The following MAPK10 variants were observed in gnomAD, a reference collection of about 807,000 sequenced individuals.
The protein encoded by MAPK10 is JNK3 alpha protein kinase.
A neutral mutation model predicts 59.3 loss-of-function variants in MAPK10; 25 were observed. The ratio of observed to expected loss-of-function variants is 0.42; its 90% CI spans 0.31 to 0.59. MAPK10 has a LOEUF of 0.59. MAPK10 is among the 20% of genes least tolerant of loss of function. The probability of loss-of-function intolerance (pLI) is 0.15; values close to 1 mark genes in which losing one functional copy is unlikely to be tolerated. For missense variants in MAPK10, 351 were observed against 568.9 expected (o/e 0.62, Z 3.90); for synonymous variants, 190 against 200.5 (o/e 0.95, Z 0.44).
intron 2 of MAPK10, among the ~76,000 whole-genome samples, chr4:86,323,540 A>T (rs1356294989): frequency 6.6e-6 from 1 of 152,222 alleles, no homozygotes; most frequent in African/African-American, 2.4e-5. Context: ...GTTTAAACCG[A>T]GTCTATCAGA....
intron 2 of MAPK10, among the ~76,000 whole-genome samples, chr4:86,271,254 T>A (rs979188587): frequency 6.6e-6 from 1 of 152,022 alleles, no homozygotes; most frequent in Non-Finnish European, 1.5e-5. Context: ...TTAATTTGCA[T>A]TTCTCTGATG....
chr4:86,060,350 C>T (rs1269853157), intron 11 of MAPK10, among the ~76,000 whole-genome samples: 2 of 152,070 alleles, frequency 1.3e-5, no homozygotes, highest in East Asian at 1.9e-4. Flanking sequence ...TTTGTAAGGC[C>T]GTTGCACTCA....
intron 1 of MAPK10, among the ~76,000 whole-genome samples, chr4:86,375,713 T>TAAAAAAAAAA (rs56189009): frequency 2.1e-4 from 7 of 33,330 alleles, no homozygotes; most frequent in African/African-American, 2.6e-4. Flanking sequence ...AGGTCCACTC[T>TAAAAAAAAAA]AAAAAAAAAA....
intron 4 of MAPK10, among the ~76,000 whole-genome samples, chr4:86,140,274 G>T (rs2063328202): frequency 7.5e-6 from 1 of 133,440 alleles, no homozygotes; most frequent in African/African-American, 3.2e-5. Flanking sequence ...CAAAGACTTG[G>T]AACCAACCCA....
At chr4:86,021,381 G>T (rs534237943) in intron 13 of MAPK10, among the ~76,000 whole-genome samples, 3 of 151,892 alleles carry the variant, frequency 2.0e-5, no homozygotes, top group Non-Finnish European at 2.9e-5. Flanking sequence ...TAGACATAAA[G>T]GTTCTCCAAG....
In MAPK10 at chr4:86,572,653, T is replaced by C. The variant is rs113915056; in HGVS notation, c.-263+21257A>G. On this transcript the variant is annotated intron_variant, in intron 1 of 4. Transcript: ENST00000502302. Reference sequence around the variant, plus strand: ...TAACAGTGGAATATTAAGCCGAATATGGGACTCTTTTGAGCATGAGGCCCT... The same window carrying C: ...TAACAGTGGAATATTAAGCCGAATACGGGACTCTTTTGAGCATGAGGCCCT... Among the ~76,000 whole-genome samples the C allele has an allele frequency of 2.6e-5, 4 of 152,312 alleles. No homozygotes were observed. The East Asian group carries it at 7.7e-4, about 29-fold the overall frequency.
At chr4:86,050,317 CTA>C (rs1027761044) in intron 11 of MAPK10, among the ~76,000 whole-genome samples, 1 of 152,120 alleles carries the variant, frequency 6.6e-6, no homozygotes, top group Non-Finnish European at 1.5e-5. Context: ...ATAACAGAAA[CTA>C]TGTCTTTTTA....
At chr4:86,057,822 T>C (rs1158732974) in intron 11 of MAPK10, among the ~76,000 whole-genome samples, 1 of 149,362 alleles carries the variant, frequency 6.7e-6, no homozygotes, top group African/African-American at 2.5e-5. Context: ...AAGAGGTGAG[T>C]GAGAGGAAAG....
chr4:86,324,887 A>T (rs569010915), intron 2 of MAPK10, among the ~76,000 whole-genome samples: 1 of 152,058 alleles, frequency 6.6e-6, no homozygotes, highest in East Asian at 1.9e-4. Context: ...AGACTATAAA[A>T]CTCGCTCTTC....
intron 13 of MAPK10, chr4:86,024,620 G>C (rs1422531065): frequency 6.6e-6 from 1 of 152,098 alleles, no homozygotes; most frequent in Non-Finnish European, 1.5e-5. Flanking sequence ...GTAAGTATTC[G>C]AGTTAACAAA....
chr4:86,444,498 C>T (rs1283880491), intron 1 of MAPK10, among the ~76,000 whole-genome samples: 1 of 152,074 alleles, frequency 6.6e-6, no homozygotes, highest in Non-Finnish European at 1.5e-5. Flanking sequence ...TCATTCAGGA[C>T]ATAAGCAAGG....
intron 1 of MAPK10, among the ~76,000 whole-genome samples, chr4:86,477,330 G>A (rs1394464644): frequency 6.6e-6 from 1 of 152,018 alleles, no homozygotes; most frequent in East Asian, 1.9e-4. Context: ...ATCCCCACCT[G>A]CCCAGTTCCC....
chr4:86,171,592 A>T (rs1342584770), intron 3 of MAPK10, among the ~76,000 whole-genome samples: 2 of 152,240 alleles, frequency 1.3e-5, no homozygotes, highest in African/African-American at 2.4e-5. Context: ...TGGATTAAAG[A>T]CTTAAATGTT....
At chr4:86,159,840 A>T (rs2068974665) in intron 3 of MAPK10, among the ~76,000 whole-genome samples, 1 of 152,012 alleles carries the variant, frequency 6.6e-6, no homozygotes, top group African/African-American at 2.4e-5. Flanking sequence ...ATTCAAGTAA[A>T]TAAGACAAAG....
intron 1 of MAPK10, among the ~76,000 whole-genome samples, chr4:86,376,267 A>G (rs1250950027): frequency 6.6e-6 from 1 of 152,222 alleles, no homozygotes; most frequent in Non-Finnish European, 1.5e-5. Context: ...CCAGAATATC[A>G]AAAACAAAAC....
chr4:86,174,073 A>G (rs1352037723), intron 3 of MAPK10, among the ~76,000 whole-genome samples: 1 of 152,200 alleles, frequency 6.6e-6, no homozygotes, highest in Non-Finnish European at 1.5e-5. Flanking sequence ...TAATTCCTCA[A>G]GGATCTAGAA....
At chr4:86,410,734 G>A (rs1246940104) in intron 1 of MAPK10, among the ~76,000 whole-genome samples, 2 of 152,040 alleles carry the variant, frequency 1.3e-5, no homozygotes, top group African/African-American at 4.8e-5. Flanking sequence ...TATTTCTGTG[G>A]GATCGGTGGT....
At chr4:86,394,709 C>G (rs1203583522) in intron 1 of MAPK10, among the ~76,000 whole-genome samples, 1 of 152,152 alleles carries the variant, frequency 6.6e-6, no homozygotes, top group Non-Finnish European at 1.5e-5. Flanking sequence ...GACATTTTAG[C>G]ATGCTTTCTA....
intron 1 of MAPK10, among the ~76,000 whole-genome samples, chr4:86,417,224 T>C (rs2149030960): frequency 6.6e-6 from 1 of 152,312 alleles, no homozygotes; most frequent in African/African-American, 2.4e-5. Context: ...AAAAGTGGAA[T>C]TTAAAAGTTC....
Sources: allele counts gnomAD v4.1 joint callset (sites outside exome capture counted in the v4.1 genomes callset), GRCh38; gene constraint gnomAD v4.1.1; transcripts MANE v1.5; gene names NCBI Gene and HGNC (gene_info 2026-07-23, HGNC 2026-07-21).